RANBP2: variants seen among roughly 807,000 people sequenced by gnomAD.
RANBP2 encodes E3 SUMO-protein ligase RanBP2.
RANBP2 carries 57 observed loss-of-function variants against 303.6 expected under a neutral mutation model. The ratio of observed to expected loss-of-function variants is 0.19; its 90% confidence interval spans 0.15 to 0.23. The LOEUF is 0.23. Among genes scored for constraint, RANBP2 ranks in the 10% least tolerant of loss-of-function variants. The pLI is 1.00. For missense variants in RANBP2, 3,138 were observed against 3,780.8 expected, an observed-to-expected ratio of 0.83 and a Z score of 4.46; for synonymous variants, 1,167 against 1,301.5, an observed-to-expected ratio of 0.90 and a Z score of 2.23.
the RANBP2 span, chr2:109,593,154 G>C: frequency 1.4e-6 from 2 of 1,431,874 alleles, no homozygotes; most frequent in Admixed American, 3.8e-5. Flanking sequence ...AAAGGAAACA[G>C]AAACATTACT....
At chr2:108,936,784 G>GCATT in the RANBP2 span, among the ~76,000 whole-genome samples, 2 of 152,224 alleles carry the variant, frequency 1.3e-5, no homozygotes, top group South Asian at 4.1e-4. Flanking sequence ...GGAGAGGGAT[G>GCATT]CATTCTCTTT....
chr2:108,818,925 A>G, the RANBP2 span, among the ~76,000 whole-genome samples: 1 of 152,132 alleles, frequency 6.6e-6, no homozygotes, highest in Non-Finnish European at 1.5e-5. Flanking sequence ...TATACTGGGT[A>G]TACCTTATAA....
At chr2:109,214,828 G>A in the RANBP2 span, among the ~76,000 whole-genome samples, 1 of 152,188 alleles carries the variant, frequency 6.6e-6, no homozygotes, top group South Asian at 2.1e-4. Flanking sequence ...GTATATTGGA[G>A]ACTGAGTTCC....
At chr2:109,385,604 G>A in the RANBP2 span, among the ~76,000 whole-genome samples, 2 of 152,364 alleles carry the variant, frequency 1.3e-5, no homozygotes, top group Admixed American at 1.3e-4. Context: ...GCGCTTTTGG[G>A]AAAGGGACAA....
chr2:109,249,459 C>CTCTCTT, the RANBP2 span, among the ~76,000 whole-genome samples: 1 of 146,366 alleles, frequency 6.8e-6, no homozygotes, highest in Non-Finnish European at 1.5e-5. Context: ...CTCTCTCTTT[C>CTCTCTT]TCTCTTTCTC....
the RANBP2 span, among the ~76,000 whole-genome samples, chr2:109,525,161 T>TGTTTG: frequency 1.3e-5 from 2 of 151,954 alleles, no homozygotes; most frequent in Admixed American, 1.3e-4. Flanking sequence ...TTTTGTTTTT[T>TGTTTG]GTTTGGTTTT....
chr2:109,203,492 C>T, the RANBP2 span, among the ~76,000 whole-genome samples: 34 of 152,260 alleles, frequency 2.2e-4, no homozygotes, highest in South Asian at 4.1e-3. Context: ...TAAGTCCCAC[C>T]GCTCCCCATT....
rs760775258 is a variant in RANBP2, at chr2:108,775,743, A to G, written c.8304A>G (p.Thr2768=). ...CTTCCTCTTTGCAGAAATCTCAGAC[A>G]GAAGAAATAACTAGCACAACTGACA... ...QKVQEAQKSQ[T]EEITSTTDSV... is the part of the protein sequence containing the mutation. The change falls in exon 24 of 29, where the codon ACA becomes ACG. Residue 2768 remains threonine (T), a synonymous_variant. Transcript: ENST00000283195. 6.2e-6 allele frequency: 10 copies of G among 1,613,616 alleles called. No homozygotes were observed. In the East Asian group the frequency reaches 1.8e-4, roughly 29 times the overall value.
the RANBP2 span, among the ~76,000 whole-genome samples, chr2:108,807,629 G>GT: frequency 1.3e-5 from 2 of 151,934 alleles, no homozygotes; most frequent in East Asian, 1.9e-4. Context: ...GTTTTGTTTT[G>GT]TTTTTTTGAG....
chr2:109,560,054 G>A, the RANBP2 span, among the ~76,000 whole-genome samples: 140 of 151,728 alleles, frequency 9.2e-4, 1 homozygote, highest in South Asian at 0.017. Flanking sequence ...CCAAGTAGCC[G>A]GGACTACAGG....
chr2:109,670,348 T>C, the RANBP2 span, among the ~76,000 whole-genome samples: 2 of 112,038 alleles, frequency 1.8e-5, no homozygotes, highest in Non-Finnish European at 3.6e-5. Flanking sequence ...GGGGGTGCTA[T>C]TGGGGGCCAG....
chr2:109,450,281 G>A, the RANBP2 span, among the ~76,000 whole-genome samples: 1 of 151,994 alleles, frequency 6.6e-6, no homozygotes, highest in Non-Finnish European at 1.5e-5. Flanking sequence ...GGGGGGCAGA[G>A]CCTGCAGTGA....
At chr2:109,011,474 C>T in the RANBP2 span, among the ~76,000 whole-genome samples, 1 of 152,150 alleles carries the variant, frequency 6.6e-6, no homozygotes, top group Non-Finnish European at 1.5e-5. Flanking sequence ...TCTCCATAAG[C>T]TAATAGGGTC....
At chr2:108,863,014 G>A in the RANBP2 span, among the ~76,000 whole-genome samples, 1 of 152,230 alleles carries the variant, frequency 6.6e-6, no homozygotes, top group Non-Finnish European at 1.5e-5. Context: ...CATTAAACTT[G>A]TTCTACACAT....
the RANBP2 span, among the ~76,000 whole-genome samples, chr2:108,904,347 C>A: frequency 6.6e-6 from 1 of 152,190 alleles, no homozygotes. Context: ...CTAGACCGTT[C>A]CCACACTGCT....
chr2:108,919,781 C>T, the RANBP2 span, among the ~76,000 whole-genome samples: 51 of 152,198 alleles, frequency 3.4e-4, no homozygotes, highest in Admixed American at 3.0e-3. Flanking sequence ...CCGTGGGGCA[C>T]CTGCCCTCTC....
chr2:109,663,058 C>G, the RANBP2 span, among the ~76,000 whole-genome samples: 1 of 152,224 alleles, frequency 6.6e-6, no homozygotes, highest in Non-Finnish European at 1.5e-5. Flanking sequence ...TTCACAATCT[C>G]TCCTTGGCCT....
chr2:108,930,529 C>T, the RANBP2 span, among the ~76,000 whole-genome samples: 48 of 152,270 alleles, frequency 3.2e-4, no homozygotes, highest in African/African-American at 1.1e-3. Flanking sequence ...TCCTCATCAA[C>T]GCACTTGCCA....
At chr2:108,874,102 C>T in the RANBP2 span, among the ~76,000 whole-genome samples, 1 of 151,958 alleles carries the variant, frequency 6.6e-6, no homozygotes, top group Admixed American at 6.6e-5. Flanking sequence ...TTTTTAGCAA[C>T]CAAGTAATAA....
Sources: gnomAD v4.1 joint callset for allele counts (sites outside exome capture counted in the v4.1 genomes callset) on GRCh38, gnomAD v4.1.1 for gene constraint, MANE v1.5 for transcripts, NCBI Gene and HGNC (gene_info 2026-07-23, HGNC 2026-07-21) for gene names.